Variants in OR8H1 observed in about 807,000 individuals in gnomAD.
OR8H1 encodes the protein olfactory receptor 8H1.
For synonymous variants in OR8H1, 135 were observed against 134.5 expected (o/e 1.00, Z -0.03); for missense variants, 388 against 374.1 (o/e 1.04, Z -0.31).
chr11:56,290,445 C>T lies in OR8H1; in HGVS notation c.618G>A (p.Leu206=). ...CAGATATTGTGATAAGGGACACCAT[C>T]AGGGTGGAACCAGCTAAAATGTGTA... ...IMIHILAGST[L]MVSLITISAS... is the part of the protein sequence containing the mutation. The change falls in exon 2 of 2, where the codon CTG becomes CTA. Residue 206 remains leucine (L), a synonymous_variant. Coordinates refer to ENST00000641600, the MANE Select transcript of OR8H1 (RefSeq NM_001005199.2). 1.2e-6 allele frequency: 2 copies of T among 1,614,168 alleles called. No homozygotes were observed. The highest frequency in any genetic ancestry group is 2.2e-5 in the East Asian group (1 of 44,874).
chr11:56,291,624 T>C (rs961220760), intron 1 of OR8H1, among the ~76,000 whole-genome samples: 1 of 152,188 alleles, frequency 6.6e-6, no homozygotes, highest in Non-Finnish European at 1.5e-5. Context: ...TCTAATATTA[T>C]TTAATGGTAA....
At position 56,289,048 on chromosome 11, in the gene OR8H1, C is replaced by A. The variant is rs1422223445; in HGVS notation, c.*1079G>T. On this transcript the variant is annotated 3_prime_UTR_variant, in exon 2 of 2. Transcript: ENST00000641600. ...TTCCTAAAGTCCAAATTGTGAACTA[C>A]TGATATTATCTTTTTTTTTCCTTTT... is the stretch of plus-strand genomic sequence containing the variant. The A allele has an allele frequency of 1.3e-5, 2 of 152,054 alleles. No homozygotes were observed. Among genetic ancestry groups the A allele is most frequent in the East Asian group, 3.9e-4 (2 of 5,180 alleles). The allele number at this position is 152,054 out of a possible 1,614,324, so 9.4% of individuals were successfully genotyped here. A position where few individuals can be genotyped will look rare whatever the true frequency, so the allele number is the denominator to read the frequency against.
Position 56,289,930 on chromosome 11 carries a change from A to G in OR8H1, c.*197T>C, listed in dbSNP as rs1854117315. The G allele has an allele frequency of 6.2e-6, 4 of 643,578 alleles. No homozygotes were observed. In the Admixed American group the frequency reaches 7.6e-5, roughly 12 times the overall value. The allele number at this position is 643,578 out of a possible 1,614,324, so 39.9% of individuals were successfully genotyped here. The stretch of plus-strand genomic sequence containing the variant: ...CCACCGTGCCCGGCCAACACATATT[A>G]TGATTTCTAATTACAATCTGGATTT... On this transcript the variant is annotated 3_prime_UTR_variant, in exon 2 of 2. Transcript: ENST00000641600.
In OR8H1 at chr11:56,290,231, T is replaced by C. The variant is rs1854127202; in HGVS notation, c.832A>G (p.Thr278Ala). 1 of 1,612,590 alleles carries C rather than the reference T, an allele frequency of 6.2e-7. No individual in the cohort carries two copies. The highest frequency in any genetic ancestry group is 8.5e-7 in the Non-Finnish European group (1 of 1,179,470). Residue 278 changes from threonine to alanine, a missense_variant, in exon 2 of 2, where the codon ACT (threonine) becomes GCT (alanine). Coordinates refer to ENST00000641600, the MANE Select transcript of OR8H1 (RefSeq NM_001005199.2). ...GRDQVASVFY[T>A]IVIPMLNPLI... ...GGATTCAGCATGGGAATCACAATAG[T>C]ATAAAAAACAGAAGCCACTTGATCC... is the stretch of plus-strand genomic sequence containing the variant.
At chr11:56,291,458 A>C (rs1252505491) in intron 1 of OR8H1, among the ~76,000 whole-genome samples, 1 of 151,856 alleles carries the variant, frequency 6.6e-6, no homozygotes, top group Non-Finnish European at 1.5e-5. Flanking sequence ...TTAAATGTTG[A>C]CGCTGATTCT....
In OR8H1 at chr11:56,290,930, T is replaced by C. The variant is rs867800556; in HGVS notation, c.133A>G (p.Met45Val). 1 of 1,614,092 alleles carries C rather than the reference T, an allele frequency of 6.2e-7. No individual in the cohort carries two copies. Among genetic ancestry groups the C allele is most frequent in the Middle Eastern group, 1.6e-4 (1 of 6,062 alleles). The change falls in exon 2 of 2, where the codon ATG (methionine) becomes GTG (valine). Residue 45 changes from methionine (M) to valine (V), a missense_variant. Transcript: ENST00000641600. Reference protein sequence around the residue: ...YLITMLGNVGMILIIRLDLQL... With the variant: ...YLITMLGNVGVILIIRLDLQL... Reference sequence around the variant, plus strand: ...AGGTCCAGGCGGATTATCAATATCATCCCCACATTGCCCAGCATAGTAATT... The same window carrying C: ...AGGTCCAGGCGGATTATCAATATCACCCCCACATTGCCCAGCATAGTAATT...
chr11:56,289,710 C>T lies in OR8H1; in HGVS notation c.*417G>A. ...GATCTCGGCTCACTGCAACCTCTGC[C>T]TCCCAGATTGAAGCGATTCTCCTAC... is the stretch of plus-strand genomic sequence containing the variant. On this transcript the variant is annotated 3_prime_UTR_variant, in exon 2 of 2. Coordinates refer to ENST00000641600, the MANE Select transcript of OR8H1 (RefSeq NM_001005199.2). The T allele has an allele frequency of 5.3e-6, 1 of 189,032 alleles. No homozygotes were observed. Among genetic ancestry groups the T allele is most frequent in the South Asian group, 9.8e-5 (1 of 10,252 alleles). The allele number at this position is 189,032 out of a possible 1,614,324, so 11.7% of individuals were successfully genotyped here. A position where few individuals can be genotyped will look rare whatever the true frequency, so the allele number is the denominator to read the frequency against.
rs2134836258 is a variant in OR8H1, at chr11:56,290,634, A to G, written c.429T>C (p.Leu143=). ...VIMSKRLCCA[L]VTGPYVISFI... ...AGCTAATCACATAGGGCCCAGTGACAAGAGCGCAACACAGCCTTTTGGACA... is the reference window on the plus strand; with the variant it reads ...AGCTAATCACATAGGGCCCAGTGACGAGAGCGCAACACAGCCTTTTGGACA... The change falls in exon 2 of 2, where the codon CTT becomes CTC. Residue 143 remains leucine, a synonymous_variant. Transcript: ENST00000641600. The G allele has an allele frequency of 6.2e-7, 1 of 1,614,186 alleles. No individual in the cohort carries two copies. The highest frequency in any genetic ancestry group is 1.3e-5 in the African/African-American group (1 of 75,070).
chr11:56,289,041 T>C lies in OR8H1; in HGVS notation c.*1086A>G, dbSNP rs562488730. The C allele has an allele frequency of 7.9e-5, 12 of 152,248 alleles. No homozygotes were observed. Among genetic ancestry groups the C allele is most frequent in the African/African-American group, 2.9e-4 (12 of 41,588 alleles). 9.4% of individuals were successfully genotyped at this position (152,248 alleles called of 1,614,324 possible). ...ATTTTATTTCCTAAAGTCCAAATTG[T>C]GAACTACTGATATTATCTTTTTTTT... On this transcript the variant is annotated 3_prime_UTR_variant, in exon 2 of 2. Coordinates refer to ENST00000641600, the MANE Select transcript of OR8H1 (RefSeq NM_001005199.2).
chr11:56,288,518 G>A lies in OR8H1; in HGVS notation c.*1609C>T, dbSNP rs1245652893. The A allele has an allele frequency of 6.6e-6, 1 of 152,048 alleles. No individual in the cohort carries two copies. Among genetic ancestry groups the A allele is most frequent in the Non-Finnish European group, 1.5e-5 (1 of 67,916 alleles). The allele number at this position is 152,048 out of a possible 1,614,324, so 9.4% of individuals were successfully genotyped here. A position where few individuals can be genotyped will look rare whatever the true frequency, so the allele number is the denominator to read the frequency against. ...CAGAATTTTAACAAAGAAACAGTTT[G>A]ACTCTTTACAGAAGTCAAGTTTTCA... On this transcript the variant is annotated 3_prime_UTR_variant, in exon 2 of 2. Transcript: ENST00000641600.
In OR8H1 at chr11:56,290,814, C is replaced by G. The variant is rs267603003; in HGVS notation, c.249G>C (p.Ala83=). Residue 83 remains alanine (A), a synonymous_variant, in exon 2 of 2, where the codon GCG becomes GCC. Transcript: ENST00000641600. ...YSTVITPKTL[A]NLLTSNYISF... ...AAATATAGTTGGAAGTCAGTAAGTTCGCTAAGGTTTTAGGTGTGATGACAG... is the reference window on the plus strand; with the variant it reads ...AAATATAGTTGGAAGTCAGTAAGTTGGCTAAGGTTTTAGGTGTGATGACAG... 1 of 1,613,944 alleles carries G rather than the reference C, an allele frequency of 6.2e-7. No individual in the cohort carries two copies. The highest frequency in any genetic ancestry group is 8.5e-7 in the Non-Finnish European group (1 of 1,180,006).
rs1590824043 is a variant in OR8H1, at chr11:56,289,963, C to G, written c.*164G>C. 12 of 711,510 alleles carry G rather than the reference C, an allele frequency of 1.7e-5. No homozygotes were observed. The East Asian group carries it at 2.8e-4, about 17-fold the overall frequency. The allele number at this position is 711,510 out of a possible 1,614,324, so 44.1% of individuals were successfully genotyped here. A position where few individuals can be genotyped will look rare whatever the true frequency, so the allele number is the denominator to read the frequency against. ...TAATTACAATCTGGATTTCTGAAAA[C>G]ATACACCTTGAAATGTTCAAGATCA... On this transcript the variant is annotated 3_prime_UTR_variant, in exon 2 of 2. Coordinates refer to ENST00000641600, the MANE Select transcript of OR8H1 (RefSeq NM_001005199.2).
rs1310187547 is a variant in OR8H1, at chr11:56,289,938, T to C, written c.*189A>G. 6 of 659,346 alleles carry C rather than the reference T, an allele frequency of 9.1e-6. No individual in the cohort carries two copies. In the East Asian group the frequency reaches 1.4e-4, roughly 15 times the overall value. The allele number at this position is 659,346 out of a possible 1,614,324, so 40.8% of individuals were successfully genotyped here. On this transcript the variant is annotated 3_prime_UTR_variant, in exon 2 of 2. Coordinates refer to ENST00000641600, the MANE Select transcript of OR8H1 (RefSeq NM_001005199.2). ...CCCGGCCAACACATATTATGATTTC[T>C]AATTACAATCTGGATTTCTGAAAAC...
rs1376647448 is a variant in OR8H1 at position 56,289,233 on chromosome 11, T to A, written c.*894A>T. On this transcript the variant is annotated 3_prime_UTR_variant, in exon 2 of 2. Coordinates refer to ENST00000641600, the MANE Select transcript of OR8H1 (RefSeq NM_001005199.2). ...TAAATACTTTACAGCTACTCTCTGATCAAATTTGGAGTTATTATTTATCTT... is the reference window on the plus strand; with the variant it reads ...TAAATACTTTACAGCTACTCTCTGAACAAATTTGGAGTTATTATTTATCTT... 6.6e-6 allele frequency: 1 copy of A among 152,198 alleles called. No individual in the cohort carries two copies. Among genetic ancestry groups the A allele is most frequent in the African/African-American group, 2.4e-5 (1 of 41,460 alleles). 9.4% of individuals were successfully genotyped at this position (152,198 alleles called of 1,614,324 possible).
At position 56,290,486 on chromosome 11, in the gene OR8H1, C is replaced by T. The variant is rs182115891; in HGVS notation, c.577G>A (p.Asp193Asn). The T allele has an allele frequency of 3.2e-5, 51 of 1,614,106 alleles. No individual in the cohort carries two copies. Among genetic ancestry groups the T allele is most frequent in the Non-Finnish European group, 4.1e-5 (48 of 1,180,004 alleles). ...ILALSCMDTY[D>N]IEIMIHILAG... Reference sequence around the variant, plus strand: ...AAAATGTGTATCATGATTTCAATGTCGTATGTGTCCATGCAGGACAGAGCT... The same window carrying T: ...AAAATGTGTATCATGATTTCAATGTTGTATGTGTCCATGCAGGACAGAGCT... The change falls in exon 2 of 2, where the codon GAC becomes AAC. Residue 193 changes from aspartate (D) to asparagine (N), a missense_variant. Coordinates refer to ENST00000641600, the MANE Select transcript of OR8H1 (RefSeq NM_001005199.2).
rs1854122657 is a variant in OR8H1, at chr11:56,290,211, C to CA, written c.851dup (p.Asn285GlufsTer6). 1 of 1,612,432 alleles carries CA rather than the reference C, an allele frequency of 6.2e-7. No individual in the cohort carries two copies. The highest frequency in any genetic ancestry group is 1.3e-5 in the African/African-American group (1 of 74,694). On this transcript the variant is annotated frameshift_variant, in exon 2 of 2. Transcript: ENST00000641600. LOFTEE classifies it low-confidence loss of function (END_TRUNC). The stretch of plus-strand genomic sequence containing the variant: ...TTCTAAGACTATAAATGAGTGGATT[C>CA]AGCATGGGAATCACAATAGTATAAA...
Position 56,290,006 on chromosome 11 carries a change from G to T in OR8H1, c.*121C>A. 1.2e-6 allele frequency: 1 copy of T among 866,724 alleles called. No homozygotes were observed. Among genetic ancestry groups the T allele is most frequent in the East Asian group, 2.4e-5 (1 of 41,576 alleles). 53.7% of individuals were successfully genotyped at this position (866,724 alleles called of 1,614,324 possible). ...CAAGATCACGTTTAGTCAAGCAAAG[G>T]TTAGCACAACAGAAATGCAAACATG... On this transcript the variant is annotated 3_prime_UTR_variant, in exon 2 of 2. Coordinates refer to ENST00000641600, the MANE Select transcript of OR8H1 (RefSeq NM_001005199.2).
chr11:56,290,152 A>G lies in OR8H1; in HGVS notation c.911T>C (p.Met304Thr), dbSNP rs759750520. ...TTACCTGGAGTCCTGTCTTCTCTGCATGACTCTAATGAGAGCATTTTTAAC... is the reference window on the plus strand; with the variant it reads ...TTACCTGGAGTCCTGTCTTCTCTGCGTGACTCTAATGAGAGCATTTTTAAC... The part of the protein sequence containing the change: ...KEVKNALIRV[M>T]QRRQDSR The change falls in exon 2 of 2, where the codon ATG becomes ACG. Residue 304 changes from methionine to threonine, a missense_variant. By Grantham distance (81) the Met-to-Thr change is moderately conservative (BLOSUM62 -1). Coordinates refer to ENST00000641600, the MANE Select transcript of OR8H1 (RefSeq NM_001005199.2). The G allele has an allele frequency of 4.4e-6, 7 of 1,606,898 alleles. No individual in the cohort carries two copies. The African/African-American group carries it at 5.4e-5, about 12-fold the overall frequency.
chr11:56,289,131 GAATAT>G lies in OR8H1; in HGVS notation c.*991_*995del, dbSNP rs1210899454. On this transcript the variant is annotated 3_prime_UTR_variant, in exon 2 of 2. Transcript: ENST00000641600. Reference sequence around the variant, plus strand: ...CAAAAGTAATTTGTAAAACACAAGTGAATATCCTTCACAAAAGGCATTGTGCTGGA... The same window carrying G: ...CAAAAGTAATTTGTAAAACACAAGTGCCTTCACAAAAGGCATTGTGCTGGA... 13 of 151,922 alleles carry G rather than the reference GAATAT, an allele frequency of 8.6e-5. No individual in the cohort carries two copies. In the East Asian group the frequency reaches 2.5e-3, roughly 29 times the overall value. 9.4% of individuals were successfully genotyped at this position (151,922 alleles called of 1,614,324 possible).
Sources: gnomAD v4.1 joint callset for allele counts (sites outside exome capture counted in the v4.1 genomes callset) on GRCh38, gnomAD v4.1.1 for gene constraint, MANE v1.5 for transcripts, NCBI Gene and HGNC (gene_info 2026-07-23, HGNC 2026-07-21) for gene names.